The following KYNU variants were observed in gnomAD, a reference collection of about 807,000 sequenced individuals.
KYNU encodes the protein kynureninase.
Under a neutral mutation model 59.2 loss-of-function variants are expected in KYNU, and 54 were observed. That is an observed-to-expected ratio of 0.91 (90% CI 0.73 to 1.14). KYNU has a LOEUF of 1.14. Among genes scored for constraint, KYNU ranks in the 50% most tolerant of loss-of-function variants. The pLI, the probability that KYNU is intolerant of heterozygous loss-of-function variation, is 0.00. For missense variants in KYNU, 567 were observed against 554.4 expected, an observed-to-expected ratio of 1.02 and a Z score of -0.23; for synonymous variants, 177 against 192.0, an observed-to-expected ratio of 0.92 and a Z score of 0.65.
chr2:142,878,264 A>G (rs1294677473), intron 1 of KYNU, among the ~76,000 whole-genome samples: 1 of 152,098 alleles, frequency 6.6e-6, no homozygotes, highest in Non-Finnish European at 1.5e-5. Context: ...AAAATATACT[A>G]GATTTTCTTT....
At chr2:142,904,597 G>T (rs778933259) in intron 2 of KYNU, among the ~76,000 whole-genome samples, 1 of 152,174 alleles carries the variant, frequency 6.6e-6, no homozygotes, top group Non-Finnish European at 1.5e-5. Context: ...GGTTATCTGA[G>T]AATTTACCTA....
chr2:142,929,337 G>C (rs1275918063), intron 4 of KYNU, among the ~76,000 whole-genome samples: 1 of 123,686 alleles, frequency 8.1e-6, no homozygotes, highest in Non-Finnish European at 1.6e-5. Context: ...CTCGCTGATA[G>C]ACAAGTGGTA....
intron 2 of KYNU, among the ~76,000 whole-genome samples, chr2:142,910,814 C>G (rs1682456497): frequency 6.6e-6 from 1 of 152,120 alleles, no homozygotes; most frequent in South Asian, 2.1e-4. Flanking sequence ...CCCAGCACCA[C>G]CTATTGAATA....
intron 2 of KYNU, among the ~76,000 whole-genome samples, chr2:142,914,636 C>T (rs1682613211): frequency 6.6e-6 from 1 of 152,202 alleles, no homozygotes; most frequent in African/African-American, 2.4e-5. Context: ...CACATATTGG[C>T]AATTCTCACA....
rs1002168435 is a variant in KYNU at position 143,055,207 on chromosome 2, A to G, written c.*13035A>G. 2 of 152,212 alleles carry G rather than the reference A, an allele frequency of 1.3e-5. No homozygotes were observed. The highest frequency in any genetic ancestry group is 2.9e-5 in the Non-Finnish European group (2 of 68,024). 9.4% of individuals were successfully genotyped at this position (152,212 alleles called of 1,614,324 possible). On this transcript the variant is annotated 3_prime_UTR_variant, in exon 14 of 14. Coordinates refer to ENST00000264170, the MANE Select transcript of KYNU (RefSeq NM_003937.3). ...CCCACATTTATTATCTTACAGTTCC[A>G]TAGGTTAGAAGTTCAACATGGGTCT...
Position 142,986,011 on chromosome 2 carries a change from A to AT in KYNU, c.894dup (p.Lys299Ter), listed in dbSNP as rs1558960224. 8 of 1,609,340 alleles carry AT rather than the reference A, an allele frequency of 5.0e-6. No homozygotes were observed. Among genetic ancestry groups the AT allele is most frequent in the Non-Finnish European group, 6.8e-6 (8 of 1,176,388 alleles). On this transcript the variant is annotated frameshift_variant, in exon 10 of 14. Coordinates refer to ENST00000264170, the MANE Select transcript of KYNU (RefSeq NM_003937.3). LOFTEE classifies it high-confidence loss of function. ...CATTCATGAAAAGCATGCCCATACGATTAAACCTGCGTGAGTACCATCTTC... is the reference window on the plus strand; with the variant it reads ...CATTCATGAAAAGCATGCCCATACGATTTAAACCTGCGTGAGTACCATCTTC...
rs1687163478 is a variant in KYNU, at chr2:143,046,235, A to G, written c.*4063A>G. 6.6e-6 allele frequency: 1 copy of G among 152,156 alleles called. No individual in the cohort carries two copies. The highest frequency in any genetic ancestry group is 2.4e-5 in the African/African-American group (1 of 41,446). 9.4% of individuals were successfully genotyped at this position (152,156 alleles called of 1,614,324 possible). A position where few individuals can be genotyped will look rare whatever the true frequency, so the allele number is the denominator to read the frequency against. On this transcript the variant is annotated 3_prime_UTR_variant, in exon 14 of 14. Transcript: ENST00000264170. ...AAGTTTTACACCCATGTATGTACCC[A>G]TAAAAATCTATTAGCTAATTTTGGT...
intron 4 of KYNU, among the ~76,000 whole-genome samples, chr2:142,929,677 A>G (rs142456471): frequency 4.4e-4 from 67 of 152,280 alleles, no homozygotes; most frequent in African/African-American, 1.5e-3. Flanking sequence ...GAAGTGTAGT[A>G]GTTTATAGGT....
chr2:143,034,823 C>G (rs1308408015), intron 12 of KYNU, among the ~76,000 whole-genome samples: 1 of 152,176 alleles, frequency 6.6e-6, no homozygotes, highest in Non-Finnish European at 1.5e-5. Flanking sequence ...AGATGTGTGA[C>G]AATATCAGAA....
intron 5 of KYNU, 109 bp from the exon 6 acceptor site, chr2:142,956,094 A>G (rs1290570798): frequency 1.5e-6 from 1 of 651,366 alleles, no homozygotes; most frequent in African/African-American, 1.8e-5. Flanking sequence ...ATGTTGAGTT[A>G]ATTAATGTCT....
intron 2 of KYNU, among the ~76,000 whole-genome samples, chr2:142,911,001 C>T (rs982117090): frequency 1.3e-5 from 2 of 152,094 alleles, no homozygotes; most frequent in Admixed American, 6.6e-5. Context: ...GGTAATGATG[C>T]CATCAGCCTT....
chr2:142,995,403 A>G (rs966800147), intron 10 of KYNU, among the ~76,000 whole-genome samples: 34 of 152,120 alleles, frequency 2.2e-4, no homozygotes, highest in African/African-American at 8.2e-4. Context: ...AAGCACTAAT[A>G]TTTACAGATG....
At chr2:142,907,428 G>T (rs1358557150) in intron 2 of KYNU, among the ~76,000 whole-genome samples, 1 of 152,252 alleles carries the variant, frequency 6.6e-6, no homozygotes, top group Non-Finnish European at 1.5e-5. Flanking sequence ...GAGTGGAAAT[G>T]GGTGCCTTGC....
chr2:142,939,813 A>G (rs750820890), intron 4 of KYNU, among the ~76,000 whole-genome samples: 2 of 152,144 alleles, frequency 1.3e-5, no homozygotes, highest in Non-Finnish European at 2.9e-5. Flanking sequence ...GAAACCAGAA[A>G]GTAGTATTTT....
At chr2:142,919,122 C>G (rs937539159) in intron 3 of KYNU, among the ~76,000 whole-genome samples, 1 of 152,140 alleles carries the variant, frequency 6.6e-6, no homozygotes, top group African/African-American at 2.4e-5. Context: ...TATTTTTGAT[C>G]CGCAGTTGGT....
At chr2:142,946,323 A>G (rs1362165007) in intron 4 of KYNU, among the ~76,000 whole-genome samples, 4 of 151,838 alleles carry the variant, frequency 2.6e-5, no homozygotes, top group African/African-American at 9.7e-5. Context: ...AGCTCATCCA[A>G]TCCACATGCC....
In KYNU at chr2:142,885,553, G is replaced by A. The variant is rs1164893738; in HGVS notation, c.169+17G>A. The A allele has an allele frequency of 1.9e-6, 3 of 1,603,272 alleles. No homozygotes were observed. Among genetic ancestry groups the A allele is most frequent in the East Asian group, 2.2e-5 (1 of 44,778 alleles). ...TGCCTCCAGGTAAGAATGCTGGGAA[G>A]GTTTTTAAATTTTATTTATTTATTT... On this transcript the variant is annotated intron_variant, in intron 2 of 13. Coordinates refer to ENST00000264170, the MANE Select transcript of KYNU (RefSeq NM_003937.3).
chr2:143,006,031 G>A (rs1016691477), intron 10 of KYNU, among the ~76,000 whole-genome samples: 8 of 152,134 alleles, frequency 5.3e-5, no homozygotes, highest in African/African-American at 1.9e-4. Context: ...TTCAGCTAGA[G>A]AAAATACACT....
chr2:142,895,636 T>A (rs1207870137), intron 2 of KYNU, among the ~76,000 whole-genome samples: 2 of 152,156 alleles, frequency 1.3e-5, no homozygotes, highest in Non-Finnish European at 2.9e-5. Context: ...ATTTTTTTTT[T>A]AAGATCAGAT....
Sources: gnomAD v4.1 joint callset for allele counts (sites outside exome capture counted in the v4.1 genomes callset) on GRCh38, gnomAD v4.1.1 for gene constraint, MANE v1.5 for transcripts, NCBI Gene and HGNC (gene_info 2026-07-23, HGNC 2026-07-21) for gene names.